Variants in RBFOX1 observed in about 807,000 individuals in gnomAD.
RBFOX1 encodes RNA binding fox-1 homolog 1.
RBFOX1 carries 8 observed loss-of-function variants against 57.7 expected under a neutral mutation model. The observed-to-expected ratio is 0.14, with a 90% CI of 0.08 to 0.25. The LOEUF (loss-of-function observed/expected upper bound fraction) is 0.25. Among genes scored for constraint, RBFOX1 ranks in the 10% least tolerant of loss-of-function variants. RBFOX1 has a pLI of 1.00. For synonymous variants in RBFOX1, 326 were observed against 222.4 expected (o/e 1.47, Z -4.15); for missense variants, 611 against 548.5 (o/e 1.11, Z -1.14).
chr16:6,802,648 G>A (rs542224583), intron 3 of RBFOX1, among the ~76,000 whole-genome samples: 2 of 152,306 alleles, frequency 1.3e-5, no homozygotes, highest in South Asian at 2.1e-4. Context: ...CTGTACTCCA[G>A]CCTGGGTGGC....
At chr16:5,836,919 C>T (rs772868715) in intron 3 of RBFOX1, among the ~76,000 whole-genome samples, 5 of 152,164 alleles carry the variant, frequency 3.3e-5, no homozygotes, top group Non-Finnish European at 7.3e-5. Flanking sequence ...TCCTGGTCTC[C>T]AACCTCACTT....
intron 4 of RBFOX1, among the ~76,000 whole-genome samples, chr16:7,430,610 A>T (rs745835983): frequency 6.6e-6 from 1 of 151,704 alleles, no homozygotes; most frequent in South Asian, 2.1e-4. Context: ...TTCAGTGCCA[A>T]GATTATGCCA....
At chr16:5,896,807 C>T (rs1237238310) in intron 4 of RBFOX1, among the ~76,000 whole-genome samples, 2 of 152,006 alleles carry the variant, frequency 1.3e-5, no homozygotes, top group East Asian at 1.9e-4. Flanking sequence ...ATCCAGTGTT[C>T]TTGCAAGTAA....
At chr16:5,888,647 C>T (rs564375096) in intron 4 of RBFOX1, among the ~76,000 whole-genome samples, 1 of 151,968 alleles carries the variant, frequency 6.6e-6, no homozygotes, top group African/African-American at 2.4e-5. Flanking sequence ...AATACAAAAT[C>T]AGCAGGGTGT....
chr16:6,256,297 A>ATG (rs2097666743), intron 1 of RBFOX1, among the ~76,000 whole-genome samples: 2 of 133,804 alleles, frequency 1.5e-5, no homozygotes, highest in African/African-American at 3.1e-5. Flanking sequence ...GTATATATAT[A>ATG]TGTATATATA....
chr16:6,372,180 A>G (rs1600233498), intron 2 of RBFOX1, among the ~76,000 whole-genome samples: 1 of 151,634 alleles, frequency 6.6e-6, no homozygotes, highest in East Asian at 2.0e-4. Flanking sequence ...TAGAATGGAG[A>G]TTGGGTGGAA....
intron 3 of RBFOX1, among the ~76,000 whole-genome samples, chr16:5,804,214 G>T (rs1319646502): frequency 1.3e-5 from 2 of 152,192 alleles, no homozygotes; most frequent in Non-Finnish European, 2.9e-5. Context: ...TGTTAGTGAG[G>T]TGAGGAAATA....
intron 12 of RBFOX1, among the ~76,000 whole-genome samples, chr16:7,657,919 G>T (rs950244058): frequency 6.6e-6 from 1 of 152,190 alleles, no homozygotes. Context: ...GAATTTTATA[G>T]TCCTAGGAAG....
intron 1 of RBFOX1, among the ~76,000 whole-genome samples, chr16:6,098,309 A>C (rs1567449852): frequency 1.3e-5 from 2 of 152,308 alleles, no homozygotes; most frequent in Admixed American, 1.3e-4. Context: ...ATGGACCCAG[A>C]ATAGAAACGC....
intron 4 of RBFOX1, among the ~76,000 whole-genome samples, chr16:7,292,246 T>TATATCATATATG (rs747339632): frequency 1.0e-5 from 1 of 95,984 alleles, no homozygotes; most frequent in Non-Finnish European, 1.9e-5. Flanking sequence ...TTATATATCA[T>TATATCATATATG]ATATATGATA....
intron 2 of RBFOX1, among the ~76,000 whole-genome samples, chr16:5,468,180 T>C (rs959078523): frequency 1.3e-5 from 2 of 152,238 alleles, no homozygotes; most frequent in African/African-American, 4.8e-5. Context: ...TTTAAACAAA[T>C]TGTGTTGAGG....
At chr16:6,187,726 G>C (rs1240557674) in intron 1 of RBFOX1, among the ~76,000 whole-genome samples, 1 of 152,150 alleles carries the variant, frequency 6.6e-6, no homozygotes, top group African/African-American at 2.4e-5. Flanking sequence ...TAACTGCTTG[G>C]ATTTGATGGC....
chr16:7,353,875 T>G (rs2097169751), intron 4 of RBFOX1, among the ~76,000 whole-genome samples: 1 of 152,176 alleles, frequency 6.6e-6, no homozygotes, highest in Non-Finnish European at 1.5e-5. Context: ...GTTCTGGAAT[T>G]ATCTGGAATG....
chr16:7,573,834 CA>C (rs3842359), intron 5 of RBFOX1, among the ~76,000 whole-genome samples: 32 of 145,100 alleles, frequency 2.2e-4, no homozygotes, highest in Non-Finnish European at 2.3e-4. Context: ...GACTCTGTCT[CA>C]AAAAAAAAAA....
chr16:7,217,372 G>A (rs2092284179), intron 4 of RBFOX1, among the ~76,000 whole-genome samples: 1 of 139,408 alleles, frequency 7.2e-6, no homozygotes, highest in African/African-American at 2.7e-5. Context: ...CTTAGGTGAT[G>A]TCCACCTTGG....
intron 4 of RBFOX1, among the ~76,000 whole-genome samples, chr16:7,303,048 T>C (rs2096070891): frequency 6.6e-6 from 1 of 152,210 alleles, no homozygotes. Flanking sequence ...ATTTATAATT[T>C]GAGAGGAGCG....
chr16:6,794,365 C>T (rs2083544669), intron 3 of RBFOX1, among the ~76,000 whole-genome samples: 1 of 145,044 alleles, frequency 6.9e-6, no homozygotes, highest in Non-Finnish European at 1.5e-5. Context: ...CAGGAAATTG[C>T]TTTCCTTAAC....
chr16:7,351,284 C>G (rs573558737), intron 4 of RBFOX1, among the ~76,000 whole-genome samples: 2 of 152,352 alleles, frequency 1.3e-5, no homozygotes, highest in Non-Finnish European at 2.9e-5. Flanking sequence ...TAGAGGGAAA[C>G]TTTTCTATGT....
intron 3 of RBFOX1, among the ~76,000 whole-genome samples, chr16:5,609,343 C>T (rs1365068803): frequency 6.6e-6 from 1 of 152,192 alleles, no homozygotes; most frequent in African/African-American, 2.4e-5. Context: ...CAGCAAAACC[C>T]ATCCAGCCAT....
Sources: allele counts gnomAD v4.1 joint callset (sites outside exome capture counted in the v4.1 genomes callset), GRCh38; gene constraint gnomAD v4.1.1; transcripts MANE v1.5; gene names NCBI Gene and HGNC (gene_info 2026-07-23, HGNC 2026-07-21).